ABI1: variants seen among roughly 807,000 people sequenced by gnomAD.
ABI1 encodes the protein Abelson interactor 1.
In ABI1, 14 loss-of-function variants were observed where a neutral mutation model predicts 54.6. The ratio of observed to expected loss-of-function variants is 0.26; its 90% CI spans 0.17 to 0.40. ABI1 has a LOEUF of 0.40. Among genes scored for constraint, ABI1 ranks in the 10% least tolerant of loss-of-function variants. The pLI is 1.00. For synonymous variants in ABI1, 194 were observed against 209.3 expected (o/e 0.93, Z 0.63); for missense variants, 443 against 598.3 (o/e 0.74, Z 2.71).
intron 3 of ABI1, among the ~76,000 whole-genome samples, chr10:26,773,215 C>CTTTTATTTTTTTTTTTTT (rs1840936115): frequency 1.1e-5 from 1 of 92,528 alleles, no homozygotes; most frequent in African/African-American, 4.5e-5. Context: ...AATGCTAATT[C>CTTTTATTTTTTTTTTTTT]TTTTTTTTTT....
At chr10:26,830,658 T>A (rs1365523464) in intron 1 of ABI1, among the ~76,000 whole-genome samples, 1 of 151,610 alleles carries the variant, frequency 6.6e-6, no homozygotes, top group Non-Finnish European at 1.5e-5. Flanking sequence ...TACCAAACTA[T>A]TTTACAAAGA....
intron 6 of ABI1, among the ~76,000 whole-genome samples, chr10:26,767,735 T>A (rs1840131361): frequency 6.6e-6 from 1 of 152,108 alleles, no homozygotes; most frequent in Admixed American, 6.6e-5. Context: ...GGTAATTGAC[T>A]TTTAGGACAT....
At chr10:26,842,473 A>C (rs888280006) in intron 1 of ABI1, among the ~76,000 whole-genome samples, 1 of 151,494 alleles carries the variant, frequency 6.6e-6, no homozygotes, top group Non-Finnish European at 1.5e-5. Flanking sequence ...CTAAGCTTTT[A>C]GTGTGGAATC....
At chr10:26,840,997 G>C (rs898553952) in intron 1 of ABI1, among the ~76,000 whole-genome samples, 1 of 152,114 alleles carries the variant, frequency 6.6e-6, no homozygotes, top group African/African-American at 2.4e-5. Context: ...TCCCTGCTCA[G>C]GCCAAATACT....
chr10:26,807,810 A>G (rs1039810808), intron 2 of ABI1, among the ~76,000 whole-genome samples: 1 of 152,010 alleles, frequency 6.6e-6, no homozygotes, highest in African/African-American at 2.4e-5. Context: ...TAGCAAACCC[A>G]GCCGGGCATG....
intron 2 of ABI1, among the ~76,000 whole-genome samples, chr10:26,819,714 T>C (rs2047839471): frequency 6.6e-6 from 1 of 152,214 alleles, no homozygotes; most frequent in Admixed American, 6.5e-5. Flanking sequence ...ACTCACAGCA[T>C]ATAAAGTATT....
chr10:26,801,233 A>G (rs998914694), intron 2 of ABI1, among the ~76,000 whole-genome samples: 1 of 152,162 alleles, frequency 6.6e-6, no homozygotes, highest in African/African-American at 2.4e-5. Flanking sequence ...ATGCAGTAAA[A>G]TGTATTTGTT....
At chr10:26,776,763 CTTTTA>C (rs933401628) in intron 3 of ABI1, 10 of 226,462 alleles carry the variant, frequency 4.4e-5, no homozygotes, top group African/African-American at 2.0e-4. Flanking sequence ...AGCATGTAGA[CTTTTA>C]TTTTTAAATG....
intron 1 of ABI1, among the ~76,000 whole-genome samples, chr10:26,828,772 A>G (rs10829077): frequency 0.25 from 38,374 of 152,122 alleles, 5,437 homozygotes; most frequent in South Asian, 0.42. Context: ...GCTGGTGTTA[A>G]TACTGAAATT....
Position 26,860,754 on chromosome 10 carries a change from T to A in ABI1, c.110A>T (p.Tyr37Phe), listed in dbSNP as rs745350093. ...TRVADYCENN[Y>F]IQATDKRKAL... ...GCCGCCAGAGCGCCTCACCTGTATG[T>A]AGTTGTTTTCACAGTAGTCTGCCAC... is the stretch of plus-strand genomic sequence containing the variant. The change falls in exon 1 of 11, where the codon TAC (tyrosine) becomes TTC (phenylalanine). Residue 37 changes from tyrosine (Y) to phenylalanine (F), a missense_variant. Tyr to Phe is a conservative substitution (Grantham distance 22). This residue lies in a region of ABI1 where 394 missense variants were observed against 484.8 expected (regional missense o/e 0.81). Transcript: ENST00000376140. This position sits in a 1 kb window ranked among gnomAD's most constrained non-coding sequence, Gnocchi z 4.1. The A allele has an allele frequency of 8.1e-6, 13 of 1,613,426 alleles. No individual in the cohort carries two copies. Among genetic ancestry groups the A allele is most frequent in the Non-Finnish European group, 1.0e-5 (12 of 1,179,466 alleles).
At chr10:26,803,347 A>G (rs2046681515) in intron 2 of ABI1, among the ~76,000 whole-genome samples, 1 of 152,156 alleles carries the variant, frequency 6.6e-6, no homozygotes, top group East Asian at 1.9e-4. Context: ...ACCTCATCTG[A>G]CAGAAATGGG....
intron 2 of ABI1, among the ~76,000 whole-genome samples, chr10:26,804,699 C>T (rs1255709449): frequency 6.6e-6 from 1 of 152,104 alleles, no homozygotes; most frequent in African/African-American, 2.4e-5. Flanking sequence ...GCACTATTGT[C>T]CAAATTCTGC....
chr10:26,823,062 A>C (rs1485637307), intron 2 of ABI1, 76 bp downstream of exon 2: 4 of 1,303,538 alleles, frequency 3.1e-6, no homozygotes, highest in African/African-American at 1.6e-5. Flanking sequence ...AAATCCATAC[A>C]TGCAGGCTAT....
intron 2 of ABI1, among the ~76,000 whole-genome samples, chr10:26,796,422 C>T (rs1844177792): frequency 6.6e-6 from 1 of 152,120 alleles, no homozygotes; most frequent in South Asian, 2.1e-4. Context: ...CCACTGTGTT[C>T]CAATTGCCTA....
At chr10:26,760,333 G>A (rs543949584) in intron 7 of ABI1, among the ~76,000 whole-genome samples, 13 of 152,174 alleles carry the variant, frequency 8.5e-5, no homozygotes, top group Admixed American at 2.6e-4. Flanking sequence ...AAAAGCCAGC[G>A]TCCTAGTTTA....
rs1837068419 is a variant in ABI1 at position 26,747,397 on chromosome 10, G to GAT, written c.*1171_*1172dup. 4.5e-6 allele frequency: 1 copy of GAT among 223,710 alleles called. No individual in the cohort carries two copies. The highest frequency in any genetic ancestry group is 2.2e-5 in the African/African-American group (1 of 44,870). 13.9% of individuals were successfully genotyped at this position (223,710 alleles called of 1,614,324 possible). A position where few individuals can be genotyped will look rare whatever the true frequency, so the allele number is the denominator to read the frequency against. The stretch of plus-strand genomic sequence containing the variant: ...TTGGTTAGGTAAATCTCTGTTCACT[G>GAT]ATTAATACATGACCCACCTTCTTTC... On this transcript the variant is annotated 3_prime_UTR_variant, in exon 11 of 11. Coordinates refer to ENST00000376140, the MANE Select transcript of ABI1 (RefSeq NM_001012750.3).
rs1375832167 is a variant in ABI1, at chr10:26,761,661, T to TATATATATATACAC, written c.821-2424_821-2423insGTGTATATATATAT. The stretch of plus-strand genomic sequence containing the variant: ...ATATATATATATATATATATATATA[T>TATATATATATACAC]ACACACACACATACACATATATAAC... On this transcript the variant is annotated intron_variant, in intron 7 of 10. Transcript: ENST00000376140. Among the ~76,000 whole-genome samples, 96 of 78,876 alleles carry TATATATATATACAC rather than the reference T, an allele frequency of 1.2e-3. 1 individual carries two copies. The highest frequency in any genetic ancestry group is 4.3e-3 in the African/African-American group (82 of 19,284). 51.7% of individuals were successfully genotyped at this position (78,876 alleles called of 152,430 possible). A position where few individuals can be genotyped will look rare whatever the true frequency, so the allele number is the denominator to read the frequency against.
intron 1 of ABI1, among the ~76,000 whole-genome samples, chr10:26,847,206 T>C (rs960472779): frequency 9.2e-5 from 14 of 152,246 alleles, no homozygotes; most frequent in African/African-American, 3.4e-4. Flanking sequence ...CTTTTGGAAC[T>C]CCTGTGGTTC....
chr10:26,756,433 T>C (rs1015799227), intron 8 of ABI1, among the ~76,000 whole-genome samples: 3 of 152,166 alleles, frequency 2.0e-5, no homozygotes, highest in African/African-American at 7.2e-5. Context: ...CAGAGTTTCA[T>C]GGGATATCTC....
Sources: allele counts gnomAD v4.1 joint callset (sites outside exome capture counted in the v4.1 genomes callset), GRCh38; gene constraint gnomAD v4.1.1; regional missense constraint gnomAD v4.1.1; non-coding constraint Gnocchi (gnomAD v3.1); transcripts MANE v1.5; gene names NCBI Gene and HGNC (gene_info 2026-07-23, HGNC 2026-07-21).